The following PRDM1 variants were observed in gnomAD, a reference collection of about 807,000 sequenced individuals.
PRDM1 encodes PR domain zinc finger protein 1.
A neutral mutation model predicts 62.8 loss-of-function variants in PRDM1; 13 were observed. That is an observed-to-expected ratio of 0.21 (90% CI 0.13 to 0.33). The LOEUF (loss-of-function observed/expected upper bound fraction) is 0.33, where lower values mean the gene tolerates loss of function less well. PRDM1 is among the 10% of genes least tolerant of loss of function. PRDM1 has a pLI of 1.00. For synonymous variants in PRDM1, 396 were observed against 417.6 expected (o/e 0.95, Z 0.63); for missense variants, 895 against 1,058.8 (o/e 0.85, Z 2.15).
chr6:106,105,154 T>A lies in PRDM1; in HGVS notation c.994T>A (p.Ser332Thr). The A allele has an allele frequency of 6.2e-7, 1 of 1,612,838 alleles. No homozygotes were observed. The highest frequency in any genetic ancestry group is 8.5e-7 in the Non-Finnish European group (1 of 1,179,518). The change falls in exon 5 of 7, where the codon TCC becomes ACC. Residue 332 changes from serine to threonine, a missense_variant. Ser to Thr is a moderately conservative substitution (Grantham distance 58). Around this residue, in one of 4 missense-constraint regions of PRDM1, gnomAD observed 444 missense variants for 422.7 expected, o/e 1.05. Coordinates refer to ENST00000369096, the MANE Select transcript of PRDM1 (RefSeq NM_001198.4). ...TYITRSPIPS[S>T]TTPSPSARSS... ...CATCACTCGCTCCCCCATTCCATCC[T>A]CCACCACTCCAAGCCCCTCTGCAAG...
chr6:106,017,324 A>G (rs1333910844), intron 1 of PRDM1, among the ~76,000 whole-genome samples: 2 of 152,284 alleles, frequency 1.3e-5, no homozygotes. Context: ...AAGTTAAAAC[A>G]TATTTAGATG....
chr6:106,077,543 A>G (rs1263876471), intron 1 of PRDM1, among the ~76,000 whole-genome samples: 2 of 152,254 alleles, frequency 1.3e-5, no homozygotes, highest in Non-Finnish European at 2.9e-5. Context: ...ATGTACTTCA[A>G]TAAACCAGGA....
At chr6:106,097,693 A>G (rs1174451642) in intron 3 of PRDM1, among the ~76,000 whole-genome samples, 1 of 152,192 alleles carries the variant, frequency 6.6e-6, no homozygotes, top group Non-Finnish European at 1.5e-5. Flanking sequence ...CATGGCACCG[A>G]CATTGCTGTT....
At chr6:106,050,536 C>G (rs1035205291) in intron 1 of PRDM1, among the ~76,000 whole-genome samples, 3 of 151,926 alleles carry the variant, frequency 2.0e-5, no homozygotes, top group African/African-American at 7.3e-5. Flanking sequence ...TTTATTCTTT[C>G]ACAAAAACAG....
intron 1 of PRDM1, among the ~76,000 whole-genome samples, chr6:106,022,290 C>T (rs1772704985): frequency 6.6e-6 from 1 of 152,122 alleles, no homozygotes; most frequent in East Asian, 1.9e-4. Flanking sequence ...TCTTGCTTTG[C>T]CACCTAGGCT....
chr6:106,036,683 G>A (rs1301990343), intron 1 of PRDM1, among the ~76,000 whole-genome samples: 1 of 152,050 alleles, frequency 6.6e-6, no homozygotes, highest in African/African-American at 2.4e-5. Flanking sequence ...TTTACAGCCG[G>A]GCGTGGTGGC....
intron 1 of PRDM1, among the ~76,000 whole-genome samples, chr6:106,013,908 C>G (rs1206133305): frequency 1.3e-5 from 2 of 152,046 alleles, no homozygotes; most frequent in African/African-American, 4.8e-5. Flanking sequence ...TCCTGCTGCT[C>G]CTAACAAAAG....
At chr6:106,077,416 A>G (rs1362301326) in intron 1 of PRDM1, among the ~76,000 whole-genome samples, 1 of 152,196 alleles carries the variant, frequency 6.6e-6, no homozygotes, top group East Asian at 1.9e-4. Context: ...AGTGGTATAC[A>G]TGAGGAAATG....
At chr6:105,999,951 T>C (rs1477712375) in intron 1 of PRDM1, among the ~76,000 whole-genome samples, 1 of 152,148 alleles carries the variant, frequency 6.6e-6, no homozygotes, top group African/African-American at 2.4e-5. Context: ...CCTCCTGGGT[T>C]CACGCCATTC....
At chr6:106,031,408 C>T (rs1772842564) in intron 1 of PRDM1, among the ~76,000 whole-genome samples, 1 of 152,208 alleles carries the variant, frequency 6.6e-6, no homozygotes, top group African/African-American at 2.4e-5. Flanking sequence ...GAGAAGTGCT[C>T]TCCAGTCCAC....
Position 106,099,313 on chromosome 6 carries a change from G to A in PRDM1, c.425G>A (p.Gly142Glu), listed in dbSNP as rs959951192. ...RKYFWRIYSR[G>E]ELHHFIDGFN... ...TCTTTTGGACAGATCTATTCCAGAG[G>A]GGAGCTTCACCACTTCATTGACGGC... is the stretch of plus-strand genomic sequence containing the variant. The change falls in exon 4 of 7, where the codon GGG (glycine) becomes GAG (glutamate). Residue 142 changes from glycine (G) to glutamate (E), a missense_variant. Gly to Glu is a moderately conservative substitution (Grantham distance 98). Coordinates refer to ENST00000369096, the MANE Select transcript of PRDM1 (RefSeq NM_001198.4). 19 of 1,613,942 alleles carry A rather than the reference G, an allele frequency of 1.2e-5. No individual in the cohort carries two copies. Among genetic ancestry groups the A allele is most frequent in the Non-Finnish European group, 1.6e-5 (19 of 1,180,022 alleles).
At chr6:106,028,918 C>CTTTTT (rs756143283) in intron 1 of PRDM1, among the ~76,000 whole-genome samples, 24 of 124,294 alleles carry the variant, frequency 1.9e-4, no homozygotes, top group Non-Finnish European at 3.0e-4. Context: ...TTCTTTCCTT[C>CTTTTT]TTTTTTTTTT....
chr6:106,012,253 ACAC>A (rs930740730), intron 1 of PRDM1, among the ~76,000 whole-genome samples: 4 of 144,592 alleles, frequency 2.8e-5, no homozygotes, highest in African/African-American at 7.8e-5. Context: ...CATACCACAC[ACAC>A]CACAACCCTC....
At position 106,106,846 on chromosome 6, in the gene PRDM1, G is replaced by C; in HGVS notation, c.1903-65G>C. The C allele has an allele frequency of 6.7e-7, 1 of 1,497,386 alleles. No homozygotes were observed. Among genetic ancestry groups the C allele is most frequent in the Non-Finnish European group, 9.1e-7 (1 of 1,103,966 alleles). The allele number at this position is 1,497,386 out of a possible 1,614,324, so 92.8% of individuals were successfully genotyped here. The stretch of plus-strand genomic sequence containing the variant: ...GGCCGGTAAGCCTGCCCCTCCCGTT[G>C]GCAACTCTTAATCTTCTGGCCTTCC... On this transcript the variant is annotated intron_variant, in intron 6 of 6. Transcript: ENST00000369096. This position sits in a 1 kb window ranked among gnomAD's most constrained non-coding sequence, Gnocchi z 4.4.
intron 1 of PRDM1, among the ~76,000 whole-genome samples, chr6:106,024,513 G>A (rs1772740781): frequency 6.6e-6 from 1 of 152,170 alleles, no homozygotes; most frequent in Non-Finnish European, 1.5e-5. Context: ...TCTCTTCTAT[G>A]AAAGGAAATG....
At chr6:106,086,084 G>C (rs530559229), upstream of PRDM1, among the ~76,000 whole-genome samples, 1 of 152,300 alleles carries the variant, frequency 6.6e-6, no homozygotes, top group African/African-American at 2.4e-5. Context: ...GAAGGAGGGC[G>C]ATCTGGAGTG....
intron 1 of PRDM1, among the ~76,000 whole-genome samples, chr6:106,051,171 G>T (rs1773167633): frequency 6.6e-6 from 1 of 152,192 alleles, no homozygotes; most frequent in Admixed American, 6.5e-5. Context: ...AACTTAAGAA[G>T]GATCACAAAG....
chr6:106,099,729 A>G (rs1774214430), intron 4 of PRDM1, 177 bp downstream of exon 4: 1 of 758,380 alleles, frequency 1.3e-6, no homozygotes, highest in Non-Finnish European at 2.1e-6. Flanking sequence ...AACTATTAGG[A>G]AACTTGATCA....
At chr6:106,040,406 T>C (rs1772977201) in intron 1 of PRDM1, among the ~76,000 whole-genome samples, 1 of 152,200 alleles carries the variant, frequency 6.6e-6, no homozygotes, top group Non-Finnish European at 1.5e-5. Context: ...ACCACCTCCG[T>C]CTATCTGCAG....
Sources: allele counts gnomAD v4.1 joint callset (sites outside exome capture counted in the v4.1 genomes callset), GRCh38; gene constraint gnomAD v4.1.1; regional missense constraint gnomAD v4.1.1; non-coding constraint Gnocchi (gnomAD v3.1); transcripts MANE v1.5; gene names NCBI Gene and HGNC (gene_info 2026-07-23, HGNC 2026-07-21).